The following NHSL1 variants were observed in gnomAD, a reference collection of about 807,000 sequenced individuals.
NHSL1 encodes the protein NHS like 1.
Under a neutral mutation model 95.0 loss-of-function variants are expected in NHSL1, and 48 were observed. The observed-to-expected ratio is 0.51, with a 90% CI of 0.40 to 0.64. NHSL1 has a LOEUF of 0.64. Among genes scored for constraint, NHSL1 ranks in the 30% least tolerant of loss-of-function variants. The probability of loss-of-function intolerance (pLI) is 0.00; values close to 1 mark genes in which losing one functional copy is unlikely to be tolerated. For missense variants in NHSL1, 1,971 were observed against 2,077.7 expected (o/e 0.95, Z 1.00); for synonymous variants, 783 against 833.9 (o/e 0.94, Z 1.05).
rs56326954 is a variant in NHSL1 at position 138,423,815 on chromosome 6, CAA to C, written c.*264_*265del. 21,482 of 137,692 alleles carry C rather than the reference CAA, an allele frequency of 0.16. 524 individuals carry two copies. The highest frequency in any genetic ancestry group is 0.24 in the Middle Eastern group (111 of 462). 8.5% of individuals were successfully genotyped at this position (137,692 alleles called of 1,614,324 possible). A position where few individuals can be genotyped will look rare whatever the true frequency, so the allele number is the denominator to read the frequency against. ...GCACACATACACACCCAGCATTTAG[CAA>C]AAAAAAAAAAAAAAAAAAAAAATCT... On this transcript the variant is annotated 3_prime_UTR_variant, in exon 8 of 8. Transcript: ENST00000343505.
chr6:138,650,337 G>T, intron 1 of NHSL1: 1 of 937,656 alleles, frequency 1.1e-6, no homozygotes, highest in East Asian at 2.8e-5. Context: ...TTTGAACACC[G>T]GGGAGTAACG....
chr6:138,440,228 T>C (rs1355718668), intron 5 of NHSL1, among the ~76,000 whole-genome samples: 1 of 152,206 alleles, frequency 6.6e-6, no homozygotes, highest in Non-Finnish European at 1.5e-5. Flanking sequence ...CTCCATTAAC[T>C]ATCTACTGAA....
chr6:138,430,968 T>G lies in NHSL1; in HGVS notation c.3377A>C (p.Glu1126Ala). The G allele has an allele frequency of 6.4e-7, 1 of 1,551,958 alleles. No homozygotes were observed. Among genetic ancestry groups the G allele is most frequent in the Middle Eastern group, 1.7e-4 (1 of 5,994 alleles). Residue 1126 changes from glutamate to alanine, a missense_variant, in exon 6 of 8, where the codon GAG becomes GCG. Glu to Ala is a moderately radical substitution (Grantham distance 107). This residue lies in a region of NHSL1 where 1,602 missense variants were observed against 1,654.5 expected (regional missense o/e 0.97). Coordinates refer to ENST00000343505, the MANE Select transcript of NHSL1 (RefSeq NM_001144060.2). This position sits in a 1 kb window ranked among gnomAD's most constrained non-coding sequence, Gnocchi z 4.7. ...LKSRNSTNEMESESQPASVTS... is the reference protein window; with the variant it reads ...LKSRNSTNEMASESQPASVTS... The stretch of plus-strand genomic sequence containing the variant: ...CACAGAGGCAGGCTGGCTTTCACTC[T>G]CCATTTCATTTGTGCTATTTCGGGA...
rs1256831562 is a variant in NHSL1, at chr6:138,649,595, G to C, written c.96+42881C>G. On this transcript the variant is annotated intron_variant, in intron 1 of 3. Transcript: ENST00000491526. ...GCACAGGTAACCAGATCCTATATGT[G>C]AGGCATCGCCATTAAACAGATGAGC... Among the ~76,000 whole-genome samples the C allele has an allele frequency of 2.0e-5, 3 of 152,228 alleles. No homozygotes were observed. In the East Asian group the frequency reaches 5.8e-4, roughly 29 times the overall value.
intron 1 of NHSL1, among the ~76,000 whole-genome samples, chr6:138,630,901 A>G (rs1784810755): frequency 6.6e-6 from 1 of 152,186 alleles, no homozygotes; most frequent in African/African-American, 2.4e-5. Flanking sequence ...CTTCATAAGA[A>G]CCAAAAATTG....
At chr6:138,483,652 CTG>C (rs1159114708) in intron 2 of NHSL1, among the ~76,000 whole-genome samples, 1 of 152,318 alleles carries the variant, frequency 6.6e-6, no homozygotes, top group African/African-American at 2.4e-5. Flanking sequence ...GTCTCCTTTA[CTG>C]TGAACTTTCA....
intron 1 of NHSL1, among the ~76,000 whole-genome samples, chr6:138,497,389 C>T (rs1583305587): frequency 6.6e-6 from 1 of 152,174 alleles, no homozygotes; most frequent in East Asian, 1.9e-4. Context: ...CCCTGTAAAG[C>T]CAGCAGATAC....
intron 1 of NHSL1, among the ~76,000 whole-genome samples, chr6:138,505,652 C>CAAAAA (rs10559023): frequency 1.8e-4 from 16 of 87,678 alleles, no homozygotes; most frequent in Admixed American, 2.7e-4. Context: ...GACTCCATTT[C>CAAAAA]AAAAAAAAAA....
At chr6:138,462,763 C>T (rs896662783) in intron 3 of NHSL1, among the ~76,000 whole-genome samples, 1 of 152,186 alleles carries the variant, frequency 6.6e-6, no homozygotes, top group African/African-American at 2.4e-5. Flanking sequence ...CTTCTCTAGC[C>T]TCATTTAACT....
chr6:138,620,788 G>A (rs903918996), intron 1 of NHSL1, among the ~76,000 whole-genome samples: 2 of 152,176 alleles, frequency 1.3e-5, no homozygotes, highest in African/African-American at 4.8e-5. Context: ...CCAGCAGCGT[G>A]TGGCAATGTT....
chr6:138,631,358 T>C (rs1784817257), intron 1 of NHSL1, among the ~76,000 whole-genome samples: 1 of 152,166 alleles, frequency 6.6e-6, no homozygotes, highest in Non-Finnish European at 1.5e-5. Context: ...ACAGGGCATG[T>C]GAACTACTGG....
intron 1 of NHSL1, among the ~76,000 whole-genome samples, chr6:138,677,419 T>C (rs900275600): frequency 6.6e-6 from 1 of 152,064 alleles, no homozygotes; most frequent in Non-Finnish European, 1.5e-5. Flanking sequence ...TCAAGAGAGG[T>C]TGCCCTAAGC....
At chr6:138,606,273 C>T (rs937284597) in intron 1 of NHSL1, among the ~76,000 whole-genome samples, 1 of 152,198 alleles carries the variant, frequency 6.6e-6, no homozygotes, top group African/African-American at 2.4e-5. Flanking sequence ...AGAGAAAGAA[C>T]TTACCACTGT....
chr6:138,687,146 T>C (rs956122100), intron 1 of NHSL1, among the ~76,000 whole-genome samples: 3 of 152,082 alleles, frequency 2.0e-5, no homozygotes, highest in African/African-American at 7.2e-5. Flanking sequence ...CCTATTCTTA[T>C]GCAGTCAGTC....
intron 1 of NHSL1, among the ~76,000 whole-genome samples, chr6:138,646,924 C>G (rs1480531308): frequency 6.6e-6 from 1 of 152,220 alleles, no homozygotes; most frequent in African/African-American, 2.4e-5. Flanking sequence ...AAATGGCACA[C>G]ACTACTGCCT....
chr6:138,656,216 T>C (rs1785154419), intron 1 of NHSL1, among the ~76,000 whole-genome samples: 1 of 152,266 alleles, frequency 6.6e-6, no homozygotes, highest in South Asian at 2.1e-4. Flanking sequence ...CCAAGACCTC[T>C]GATAATTTGC....
At chr6:138,497,894 T>C (rs1358416224) in intron 1 of NHSL1, among the ~76,000 whole-genome samples, 2 of 152,196 alleles carry the variant, frequency 1.3e-5, no homozygotes, top group Non-Finnish European at 2.9e-5. Flanking sequence ...AAAATAAACA[T>C]TGAGAACTAG....
At chr6:138,646,889 T>C (rs1450603925) in intron 1 of NHSL1, among the ~76,000 whole-genome samples, 1 of 152,204 alleles carries the variant, frequency 6.6e-6, no homozygotes, top group Non-Finnish European at 1.5e-5. Context: ...TAAGAACTGT[T>C]TGAGCCCATT....
chr6:138,604,395 T>C (rs778500910), intron 1 of NHSL1, among the ~76,000 whole-genome samples: 31 of 152,156 alleles, frequency 2.0e-4, no homozygotes, highest in Non-Finnish European at 4.3e-4. Flanking sequence ...AAGGATACTT[T>C]CTGCAGAAAA....
Sources: allele counts gnomAD v4.1 joint callset (sites outside exome capture counted in the v4.1 genomes callset), GRCh38; gene constraint gnomAD v4.1.1; regional missense constraint gnomAD v4.1.1; non-coding constraint Gnocchi (gnomAD v3.1); transcripts MANE v1.5; gene names NCBI Gene and HGNC (gene_info 2026-07-23, HGNC 2026-07-21).